PDE1A: variants seen among roughly 807,000 people sequenced by gnomAD.
PDE1A encodes dual specificity calcium/calmodulin-dependent 3',5'-cyclic nucleotide phosphodiesterase 1A.
PDE1A carries 35 observed loss-of-function variants against 61.7 expected under a neutral mutation model. The observed-to-expected ratio is 0.57, with a 90% CI of 0.43 to 0.75. PDE1A has a LOEUF of 0.75. Ranked by LOEUF, PDE1A falls within the 30% of genes least tolerant of loss-of-function variation. The pLI is 0.00. For missense variants in PDE1A, 597 were observed against 630.6 expected, an observed-to-expected ratio of 0.95 and a Z score of 0.57; for synonymous variants, 232 against 213.2, an observed-to-expected ratio of 1.09 and a Z score of -0.77.
chr2:182,153,253 G>A (rs1429969065), intron 13 of PDE1A, among the ~76,000 whole-genome samples: 1 of 152,170 alleles, frequency 6.6e-6, no homozygotes, highest in East Asian at 1.9e-4. Context: ...AGTTCAGCTG[G>A]CTCCTTGAAA....
At chr2:182,303,933 G>A (rs1051003098) in intron 1 of PDE1A, among the ~76,000 whole-genome samples, 2 of 151,802 alleles carry the variant, frequency 1.3e-5, no homozygotes, top group East Asian at 1.9e-4. Flanking sequence ...ATGGAGTCTC[G>A]CTGTGTCGCC....
the PDE1A span, among the ~76,000 whole-genome samples, chr2:182,637,810 A>G: frequency 6.6e-6 from 1 of 152,080 alleles, no homozygotes; most frequent in Admixed American, 6.6e-5. Context: ...AATCTTAGCT[A>G]CTCAGGAGGC....
intron 1 of PDE1A, among the ~76,000 whole-genome samples, chr2:182,425,154 CA>C (rs751462182): frequency 1.6e-4 from 24 of 152,140 alleles, no homozygotes; most frequent in Non-Finnish European, 2.6e-4. Context: ...AGGGGTAATA[CA>C]ATAAAGATGA....
the PDE1A span, among the ~76,000 whole-genome samples, chr2:182,676,723 A>G: frequency 2.6e-5 from 4 of 152,250 alleles, no homozygotes; most frequent in Admixed American, 6.5e-5. Flanking sequence ...ACCATGAGCA[A>G]GTAGGCTTCC....
At chr2:182,250,118 C>G (rs907429378) in intron 2 of PDE1A, among the ~76,000 whole-genome samples, 3 of 152,106 alleles carry the variant, frequency 2.0e-5, no homozygotes, top group African/African-American at 7.2e-5. Context: ...ACTGAGTACC[C>G]AGACTGCCTT....
chr2:182,160,421 C>T (rs1247215480), intron 13 of PDE1A, among the ~76,000 whole-genome samples: 2 of 152,132 alleles, frequency 1.3e-5, no homozygotes, highest in African/African-American at 4.8e-5. Flanking sequence ...GTAGGTAAAG[C>T]AATGCAGGCA....
chr2:182,531,378 T>TA, the PDE1A span, among the ~76,000 whole-genome samples: 16,441 of 145,386 alleles, frequency 0.11, 2,920 homozygotes, highest in African/African-American at 0.38. Flanking sequence ...AAAAAGGTAG[T>TA]AAAAAAAAAA....
intron 1 of PDE1A, among the ~76,000 whole-genome samples, chr2:182,312,914 G>A (rs1015145458): frequency 6.6e-6 from 1 of 151,072 alleles, no homozygotes; most frequent in African/African-American, 2.4e-5. Flanking sequence ...CTGACATCTT[G>A]AGTCTTGACC....
At chr2:182,708,926 A>C in the PDE1A span, among the ~76,000 whole-genome samples, 2 of 152,318 alleles carry the variant, frequency 1.3e-5, no homozygotes, top group East Asian at 1.9e-4. Context: ...AGTATCTGAG[A>C]ATTATAAAGC....
intron 1 of PDE1A, among the ~76,000 whole-genome samples, chr2:182,374,656 T>C (rs1700293522): frequency 6.6e-6 from 1 of 152,080 alleles, no homozygotes; most frequent in African/African-American, 2.4e-5. Context: ...AAAATGAACA[T>C]GATACTAGAA....
chr2:182,624,505 T>C, the PDE1A span, among the ~76,000 whole-genome samples: 2 of 152,178 alleles, frequency 1.3e-5, no homozygotes, highest in Non-Finnish European at 2.9e-5. Flanking sequence ...CTATTTCCAA[T>C]AGCACTTTTT....
chr2:182,448,561 GA>G (rs746327637), intron 2 of PDE1A, among the ~76,000 whole-genome samples: 2 of 152,006 alleles, frequency 1.3e-5, no homozygotes, highest in Non-Finnish European at 2.9e-5. Flanking sequence ...AGAACTGAAA[GA>G]AAAAACTTCA....
downstream of PDE1A, among the ~76,000 whole-genome samples, chr2:182,167,045 C>T (rs770390868): frequency 2.0e-5 from 3 of 152,174 alleles, no homozygotes; most frequent in South Asian, 2.1e-4. Context: ...TACAGTAAAC[C>T]GTTCATGTTC....
At chr2:182,198,005 C>T (rs187349248) in intron 10 of PDE1A, among the ~76,000 whole-genome samples, 1 of 152,018 alleles carries the variant, frequency 6.6e-6, no homozygotes, top group East Asian at 1.9e-4. Flanking sequence ...GAATTGACAT[C>T]TTAGAAATAT....
chr2:182,377,196 G>A (rs1431272247), intron 1 of PDE1A, among the ~76,000 whole-genome samples: 1 of 152,226 alleles, frequency 6.6e-6, no homozygotes, highest in Non-Finnish European at 1.5e-5. Context: ...GGCCTAGTGA[G>A]AAGTATTTGG....
intron 1 of PDE1A, among the ~76,000 whole-genome samples, chr2:182,268,383 T>C (rs1692782818): frequency 6.6e-6 from 1 of 152,046 alleles, no homozygotes; most frequent in South Asian, 2.1e-4. Flanking sequence ...ATATAGATAT[T>C]AGTACATATA....
At chr2:182,485,417 T>C (rs942633835) in intron 2 of PDE1A, among the ~76,000 whole-genome samples, 2 of 151,998 alleles carry the variant, frequency 1.3e-5, no homozygotes, top group Admixed American at 1.3e-4. Context: ...TATTGCGTAC[T>C]GGGCTTAATA....
At chr2:182,156,602 A>G (rs147637937) in intron 13 of PDE1A, among the ~76,000 whole-genome samples, 23 of 152,292 alleles carry the variant, frequency 1.5e-4, no homozygotes, top group African/African-American at 4.8e-4. Context: ...CTTCTCTAAC[A>G]AGCTACTAGT....
At chr2:182,623,859 C>T in the PDE1A span, among the ~76,000 whole-genome samples, 7 of 152,298 alleles carry the variant, frequency 4.6e-5, no homozygotes, top group Middle Eastern at 3.4e-3. Flanking sequence ...GGCGCGGTGG[C>T]TCACGCCTGT....
Sources: allele counts gnomAD v4.1 joint callset (sites outside exome capture counted in the v4.1 genomes callset), GRCh38; gene constraint gnomAD v4.1.1; transcripts MANE v1.5; gene names NCBI Gene and HGNC (gene_info 2026-07-23, HGNC 2026-07-21).